The following LRRC4C variants were observed in gnomAD, a reference collection of about 807,000 sequenced individuals.
LRRC4C encodes the protein leucine rich repeat containing 4C.
A neutral mutation model predicts 33.6 loss-of-function variants in LRRC4C; 5 were observed. That is an observed-to-expected ratio of 0.15 (90% CI 0.08 to 0.31). The LOEUF (loss-of-function observed/expected upper bound fraction) is 0.31. Ranked by LOEUF, LRRC4C falls within the 10% of genes least tolerant of loss-of-function variation. The probability of loss-of-function intolerance (pLI) is 1.00; values close to 1 mark genes in which losing one functional copy is unlikely to be tolerated. For synonymous variants in LRRC4C, 329 were observed against 302.0 expected, an observed-to-expected ratio of 1.09 and a Z score of -0.93; for missense variants, 560 against 796.7, an observed-to-expected ratio of 0.70 and a Z score of 3.58.
intron 5 of LRRC4C, among the ~76,000 whole-genome samples, chr11:40,211,380 G>A (rs1751714191): frequency 1.3e-5 from 2 of 152,074 alleles, no homozygotes; most frequent in African/African-American, 4.8e-5. Context: ...CTTTTTGAAA[G>A]CAAGTGGTGT....
chr11:41,397,136 A>G (rs768393251), intron 1 of LRRC4C, among the ~76,000 whole-genome samples: 46 of 152,110 alleles, frequency 3.0e-4, no homozygotes, highest in Non-Finnish European at 5.4e-4. Flanking sequence ...ATCAACCATC[A>G]TGCTAAGCTA....
chr11:41,174,810 T>A (rs559526044), intron 1 of LRRC4C, among the ~76,000 whole-genome samples: 1 of 152,186 alleles, frequency 6.6e-6, no homozygotes, highest in African/African-American at 2.4e-5. Context: ...TGTCTACCTA[T>A]ACCTAGACTT....
chr11:40,465,543 C>G (rs1325521304), intron 3 of LRRC4C, among the ~76,000 whole-genome samples: 6 of 151,896 alleles, frequency 4.0e-5, no homozygotes, highest in African/African-American at 1.4e-4. Flanking sequence ...TATTTGCAAA[C>G]TATGCCTTTA....
intron 4 of LRRC4C, among the ~76,000 whole-genome samples, chr11:40,247,492 C>T (rs971703983): frequency 1.3e-5 from 2 of 152,044 alleles, no homozygotes; most frequent in East Asian, 1.9e-4. Context: ...AATCCTATGA[C>T]GAGATAACAT....
At chr11:40,723,464 T>G (rs1947129085) in intron 2 of LRRC4C, among the ~76,000 whole-genome samples, 1 of 152,162 alleles carries the variant, frequency 6.6e-6, no homozygotes, top group Non-Finnish European at 1.5e-5. Context: ...TTAGCATTCT[T>G]AAAGGAAAGA....
chr11:40,471,587 A>C (rs1437759925), intron 3 of LRRC4C, among the ~76,000 whole-genome samples: 1 of 150,938 alleles, frequency 6.6e-6, no homozygotes, highest in East Asian at 2.0e-4. Context: ...AAGATCCCTC[A>C]GTGTGCTGTA....
Position 40,357,481 on chromosome 11 carries a change from G to A in LRRC4C, c.-269-37760C>T, listed in dbSNP as rs549907772. 2.0e-4 allele frequency among the ~76,000 whole-genome samples: 31 copies of A among 152,140 alleles called. 2 individuals are homozygous for A. The highest frequency in any genetic ancestry group is 1.5e-4 in the Non-Finnish European group (10 of 68,022). ...AATTCAGCCTTTAATGTGCACTTCA[G>A]TTCTCACCCAAATGAACAGAGACGG... is the stretch of plus-strand genomic sequence containing the variant. On this transcript the variant is annotated intron_variant, in intron 3 of 6. Transcript: ENST00000528697.
At chr11:40,777,100 G>T (rs894394934) in intron 2 of LRRC4C, among the ~76,000 whole-genome samples, 1 of 152,154 alleles carries the variant, frequency 6.6e-6, no homozygotes, top group Non-Finnish European at 1.5e-5. Context: ...TGGTTGGGAT[G>T]ATTCAATTAT....
At chr11:41,312,112 G>A (rs925607398) in intron 1 of LRRC4C, among the ~76,000 whole-genome samples, 2 of 152,016 alleles carry the variant, frequency 1.3e-5, no homozygotes, top group Non-Finnish European at 2.9e-5. Context: ...CCTCTTTTTT[G>A]ACAAAGTGGA....
intron 3 of LRRC4C, among the ~76,000 whole-genome samples, chr11:40,407,079 T>C (rs889348849): frequency 6.6e-6 from 1 of 152,138 alleles, no homozygotes; most frequent in Non-Finnish European, 1.5e-5. Flanking sequence ...TTAGGGTTGT[T>C]TTGCAAATGA....
intron 3 of LRRC4C, among the ~76,000 whole-genome samples, chr11:40,514,518 A>G (rs1348476461): frequency 2.6e-5 from 4 of 152,174 alleles, no homozygotes; most frequent in Non-Finnish European, 4.4e-5. Context: ...AAAGTACTTA[A>G]TAGAGTAACG....
intron 2 of LRRC4C, among the ~76,000 whole-genome samples, chr11:40,916,825 G>A (rs1455403486): frequency 6.6e-6 from 1 of 151,738 alleles, no homozygotes; most frequent in Non-Finnish European, 1.5e-5. Context: ...AATTGGTTGA[G>A]GTTTATATTT....
intron 3 of LRRC4C, among the ~76,000 whole-genome samples, chr11:40,388,605 C>G (rs1949208518): frequency 6.6e-6 from 1 of 152,146 alleles, no homozygotes; most frequent in Non-Finnish European, 1.5e-5. Flanking sequence ...ACAGCATCAT[C>G]GTGTGAGTAA....
At chr11:40,119,869 T>TCA (rs1855702647) in intron 6 of LRRC4C, among the ~76,000 whole-genome samples, 1 of 152,038 alleles carries the variant, frequency 6.6e-6, no homozygotes, top group African/African-American at 2.4e-5. Flanking sequence ...CTCTTAACAC[T>TCA]CACACCACCA....
chr11:40,194,651 A>C (rs1862108114), intron 5 of LRRC4C, among the ~76,000 whole-genome samples: 1 of 152,126 alleles, frequency 6.6e-6, no homozygotes, highest in Admixed American at 6.6e-5. Flanking sequence ...GGATAGCATT[A>C]GGAGAAATAC....
At chr11:41,380,982 T>C (rs1285919442) in intron 1 of LRRC4C, among the ~76,000 whole-genome samples, 1 of 152,152 alleles carries the variant, frequency 6.6e-6, no homozygotes, top group Non-Finnish European at 1.5e-5. Context: ...TATGAATCCA[T>C]ATTATAAGCC....
chr11:41,375,381 T>C (rs1447554954), intron 1 of LRRC4C, among the ~76,000 whole-genome samples: 1 of 152,150 alleles, frequency 6.6e-6, no homozygotes, highest in Admixed American at 6.5e-5. Context: ...GTACATTTGA[T>C]AGAAGCATCA....
chr11:40,460,859 C>G (rs1336718004), intron 3 of LRRC4C, among the ~76,000 whole-genome samples: 1 of 152,026 alleles, frequency 6.6e-6, no homozygotes, highest in African/African-American at 2.4e-5. Flanking sequence ...TGTGGAAAGC[C>G]TTCATATAAA....
rs561926751 is a variant in LRRC4C at position 41,025,195 on chromosome 11, G to A, written c.-495-91472C>T. 8.6e-5 allele frequency among the ~76,000 whole-genome samples: 13 copies of A among 151,540 alleles called. No homozygotes were observed. The South Asian group carries it at 1.5e-3, about 17-fold the overall frequency. On this transcript the variant is annotated intron_variant, in intron 1 of 6. Coordinates refer to ENST00000528697, the MANE Select transcript of LRRC4C (RefSeq NM_001258419.2). ...TTGCCAGTGAAAGGAAGAGATGCAC[G>A]TCTCTCACTTTAAATTAAAAACTAG...
Sources: allele counts gnomAD v4.1 joint callset (sites outside exome capture counted in the v4.1 genomes callset), GRCh38; gene constraint gnomAD v4.1.1; transcripts MANE v1.5; gene names NCBI Gene and HGNC (gene_info 2026-07-23, HGNC 2026-07-21).